GRIN2D: variants seen among roughly 807,000 people sequenced by gnomAD.
The protein encoded by GRIN2D is glutamate ionotropic receptor NMDA type subunit 2D.
Under a neutral mutation model 103.2 loss-of-function variants are expected in GRIN2D, and 37 were observed. That is an observed-to-expected ratio of 0.36 (90% CI 0.28 to 0.47). The LOEUF (loss-of-function observed/expected upper bound fraction) is 0.47, where lower values mean the gene tolerates loss of function less well. Among genes scored for constraint, GRIN2D ranks in the 20% least tolerant of loss-of-function variants. The probability of loss-of-function intolerance (pLI) is 1.00; values close to 1 mark genes in which losing one functional copy is unlikely to be tolerated. For synonymous variants in GRIN2D, 845 were observed against 885.6 expected, an observed-to-expected ratio of 0.95 and a Z score of 0.81; for missense variants, 1,557 against 1,910.6, an observed-to-expected ratio of 0.81 and a Z score of 3.45.
At chr19:48,406,009 T>C (rs539506823) in intron 4 of GRIN2D, among the ~76,000 whole-genome samples, 5 of 152,330 alleles carry the variant, frequency 3.3e-5, no homozygotes, top group Admixed American at 1.3e-4. Context: ...ACACGCCTCA[T>C]ACCTTACTGT....
chr19:48,404,171 C>T lies in GRIN2D; in HGVS notation c.466-563C>T, dbSNP rs567855154. 4.0e-5 allele frequency among the ~76,000 whole-genome samples: 6 copies of T among 149,842 alleles called. 1 individual carries two copies. The highest frequency in any genetic ancestry group is 4.2e-4 in the South Asian group (2 of 4,774). On this transcript the variant is annotated intron_variant, in intron 3 of 13. Coordinates refer to ENST00000263269, the MANE Select transcript of GRIN2D (RefSeq NM_000836.4). ...AGGAGAACTGCTTGAACCCGGGAGG[C>T]GGATGTTGCAGTGAGCCGAGATTGT...
intron 8 of GRIN2D, among the ~76,000 whole-genome samples, chr19:48,417,755 G>A (rs534237331): frequency 9.9e-5 from 15 of 152,274 alleles, no homozygotes; most frequent in African/African-American, 3.1e-4. Flanking sequence ...CCCAGCTGCC[G>A]CAGTGACAGT....
intron 11 of GRIN2D, among the ~76,000 whole-genome samples, chr19:48,441,374 A>G (rs1049770478): frequency 1.3e-5 from 2 of 151,214 alleles, no homozygotes; most frequent in Admixed American, 6.6e-5. Flanking sequence ...AAAAAAAAAA[A>G]AAAAAAAAAA....
At chr19:48,408,330 T>A (rs184570338) in intron 4 of GRIN2D, among the ~76,000 whole-genome samples, 1,597 of 119,146 alleles carry the variant, frequency 0.013, 27 homozygotes, top group African/African-American at 0.057. Flanking sequence ...TGAGACTCCA[T>A]CTCAAAAAAA....
At chr19:48,426,224 C>CTTTTTTTTTTTTTTCTTTT (rs1555893888) in intron 11 of GRIN2D, among the ~76,000 whole-genome samples, 4 of 120,112 alleles carry the variant, frequency 3.3e-5, no homozygotes, top group South Asian at 2.5e-4. Context: ...TTCTTTCTTT[C>CTTTTTTTTTTTTTTCTTTT]TTTTTTTTTT....
At chr19:48,422,482 G>A (rs758468211) in intron 11 of GRIN2D, among the ~76,000 whole-genome samples, 1 of 151,952 alleles carries the variant, frequency 6.6e-6, no homozygotes. Flanking sequence ...GTGGTGGCAC[G>A]CGCCTGTAGT....
At chr19:48,400,929 G>T (rs1018160102) in intron 3 of GRIN2D, among the ~76,000 whole-genome samples, 1 of 152,050 alleles carries the variant, frequency 6.6e-6, no homozygotes, top group Non-Finnish European at 1.5e-5. Context: ...AGCCGGGCAT[G>T]GTGGCGCATG....
intron 4 of GRIN2D, among the ~76,000 whole-genome samples, chr19:48,412,414 G>GAA (rs1170896589): frequency 8.6e-6 from 1 of 115,828 alleles, no homozygotes; most frequent in Non-Finnish European, 1.9e-5. Context: ...AAGAAAGAAA[G>GAA]AGAAAGAAAA....
intron 11 of GRIN2D, among the ~76,000 whole-genome samples, chr19:48,440,849 G>A (rs1971282744): frequency 6.6e-6 from 1 of 151,952 alleles, no homozygotes; most frequent in African/African-American, 2.4e-5. Context: ...ACCACACCTG[G>A]CTAATTTTTG....
chr19:48,398,659 G>A lies in GRIN2D; in HGVS notation c.267G>A (p.Leu89=), dbSNP rs1970672298. 1.4e-6 allele frequency: 2 copies of A among 1,444,218 alleles called. No homozygotes were observed. Among genetic ancestry groups the A allele is most frequent in the Non-Finnish European group, 1.8e-6 (2 of 1,100,232 alleles). 89.5% of individuals were successfully genotyped at this position (1,444,218 alleles called of 1,614,324 possible). A position where few individuals can be genotyped will look rare whatever the true frequency, so the allele number is the denominator to read the frequency against. The part of the protein sequence containing the change: ...SPGLDVRPVA[L]VLNGSDPRSL... ...GCCTAGACGTGCGGCCCGTGGCGCT[G>A]GTGCTCAACGGCTCGGACCCGCGCA... Residue 89 remains leucine (L), a synonymous_variant, in exon 3 of 14, where the codon CTG becomes CTA. Coordinates refer to ENST00000263269, the MANE Select transcript of GRIN2D (RefSeq NM_000836.4).
chr19:48,395,434 T>TCTGGAACA (rs1228949523), intron 2 of GRIN2D, among the ~76,000 whole-genome samples: 1 of 151,972 alleles, frequency 6.6e-6, no homozygotes, highest in African/African-American at 2.4e-5. Flanking sequence ...TCCTCAAGGT[T>TCTGGAACA]CTGGAACACC....
intron 4 of GRIN2D, among the ~76,000 whole-genome samples, chr19:48,406,163 C>T (rs1374899514): frequency 1.3e-5 from 2 of 152,096 alleles, no homozygotes; most frequent in African/African-American, 2.4e-5. Context: ...ACGTCCATTC[C>T]GATAGGCTAG....
Position 48,402,240 on chromosome 19 carries a change from T to C in GRIN2D, c.466-2494T>C, listed in dbSNP as rs570879494. On this transcript the variant is annotated intron_variant, in intron 3 of 13. Transcript: ENST00000263269. Reference sequence around the variant, plus strand: ...CAAGAAAGGGTGACAATGAGAGTTGTGACAGTGATGGCAGTGAGGAGTGGA... The same window carrying C: ...CAAGAAAGGGTGACAATGAGAGTTGCGACAGTGATGGCAGTGAGGAGTGGA... 9.2e-5 allele frequency among the ~76,000 whole-genome samples: 14 copies of C among 152,170 alleles called. No homozygotes were observed. In the South Asian group the frequency reaches 2.9e-3, roughly 32 times the overall value.
chr19:48,420,224 C>G (rs555372880), intron 10 of GRIN2D, among the ~76,000 whole-genome samples: 1 of 151,328 alleles, frequency 6.6e-6, no homozygotes, highest in African/African-American at 2.4e-5. Flanking sequence ...GTCAGGAGAT[C>G]GAGACCATCC....
At chr19:48,396,140 A>G (rs778784675) in intron 2 of GRIN2D, among the ~76,000 whole-genome samples, 2 of 151,232 alleles carry the variant, frequency 1.3e-5, no homozygotes, top group African/African-American at 2.4e-5. Context: ...TGCAGATGGA[A>G]GTGGAAACGG....
intron 3 of GRIN2D, among the ~76,000 whole-genome samples, chr19:48,401,872 G>A (rs1439857574): frequency 6.6e-6 from 1 of 152,196 alleles, no homozygotes; most frequent in East Asian, 1.9e-4. Flanking sequence ...AGGCCAAGGC[G>A]GGTGGATCAC....
intron 11 of GRIN2D, among the ~76,000 whole-genome samples, chr19:48,429,527 G>T (rs1465208385): frequency 6.6e-6 from 1 of 151,798 alleles, no homozygotes; most frequent in Non-Finnish European, 1.5e-5. Flanking sequence ...AGCCTCCTGA[G>T]TAGCTGGGAT....
Position 48,395,548 on chromosome 19 carries a change from C to T in GRIN2D, c.-27+612C>T, listed in dbSNP as rs147868146. 2.0e-5 allele frequency among the ~76,000 whole-genome samples: 3 copies of T among 152,112 alleles called. No individual in the cohort carries two copies. The East Asian group carries it at 5.8e-4, about 30-fold the overall frequency. On this transcript the variant is annotated intron_variant, in intron 2 of 13. Transcript: ENST00000263269. ...AGGAAACGGGATGCCGTCTGCAGCA[C>T]AACTCGAGGTTGTGGGGGGAGCTGT...
intron 10 of GRIN2D, among the ~76,000 whole-genome samples, chr19:48,420,293 T>G (rs563810174): frequency 7.9e-5 from 12 of 151,552 alleles, no homozygotes; most frequent in Middle Eastern, 3.5e-3. Flanking sequence ...CCGGGCGTGG[T>G]GACAGGCACC....
Sources: gnomAD v4.1 joint callset for allele counts (sites outside exome capture counted in the v4.1 genomes callset) on GRCh38, gnomAD v4.1.1 for gene constraint, MANE v1.5 for transcripts, NCBI Gene and HGNC (gene_info 2026-07-23, HGNC 2026-07-21) for gene names.